COMMD6: variants seen among roughly 807,000 people sequenced by gnomAD.
The protein encoded by COMMD6 is COMM domain containing 6, also known as COMM domain-containing protein 6.
Under a neutral mutation model 13.4 loss-of-function variants are expected in COMMD6, and 11 were observed. That is an observed-to-expected ratio of 0.82 (90% confidence interval 0.52 to 1.36). The LOEUF (loss-of-function observed/expected upper bound fraction) is 1.36, where lower values mean the gene tolerates loss of function less well. COMMD6 is among the 40% of genes most tolerant of loss of function. The pLI is 0.00. For missense variants in COMMD6, 124 were observed against 102.4 expected, an observed-to-expected ratio of 1.21 and a Z score of -0.91; for synonymous variants, 43 against 36.5, an observed-to-expected ratio of 1.18 and a Z score of -0.64.
At chr13:75,544,891 A>G (rs1003671749) in intron 1 of COMMD6, among the ~76,000 whole-genome samples, 5 of 140,968 alleles carry the variant, frequency 3.5e-5, no homozygotes, top group Non-Finnish European at 7.6e-5. Context: ...GCTCCATTGC[A>G]CTCCAGCCTG....
chr13:75,543,198 C>T (rs1455475122), upstream of COMMD6, among the ~76,000 whole-genome samples: 2 of 152,090 alleles, frequency 1.3e-5, no homozygotes, highest in East Asian at 1.9e-4. Flanking sequence ...GGGAGGAAGG[C>T]GAGGATTGAA....
At position 75,526,610 on chromosome 13, in the gene COMMD6, A is replaced by G; in HGVS notation, c.237T>C (p.Ala79=). 6.2e-7 allele frequency: 1 copy of G among 1,607,660 alleles called. No homozygotes were observed. Among genetic ancestry groups the G allele is most frequent in the Non-Finnish European group, 8.5e-7 (1 of 1,175,904 alleles). ...QNFYRQFKEI[A]AVIETV is the part of the protein sequence containing the mutation. ...GTCTTCACACCGTTTCAATAACTGCAGCAATTTCCTTGAACTGTCTGTAGA... is the reference window on the plus strand; with the variant it reads ...GTCTTCACACCGTTTCAATAACTGCGGCAATTTCCTTGAACTGTCTGTAGA... Residue 79 remains alanine (A), a synonymous_variant, in exon 4 of 4, where the codon GCT becomes GCC. Coordinates refer to ENST00000682242, the MANE Select transcript of COMMD6 (RefSeq NM_203495.4).
chr13:75,548,518 TTATCATTGA>T (rs1159864097), intron 1 of COMMD6, among the ~76,000 whole-genome samples: 1 of 152,098 alleles, frequency 6.6e-6, no homozygotes, highest in Non-Finnish European at 1.5e-5. Flanking sequence ...ATTTATGGAG[TTATCATTGA>T]TAACTTCTGC....
At chr13:75,531,567 TAGAA>T (rs1361855728) in intron 2 of COMMD6, among the ~76,000 whole-genome samples, 1 of 152,142 alleles carries the variant, frequency 6.6e-6, no homozygotes, top group African/African-American at 2.4e-5. Flanking sequence ...CATATAAAAA[TAGAA>T]AGGCAAATCA....
chr13:75,535,229 G>C (rs1461095983), intron 2 of COMMD6, among the ~76,000 whole-genome samples: 1 of 152,190 alleles, frequency 6.6e-6, no homozygotes, highest in African/African-American at 2.4e-5. Flanking sequence ...GTGGCTGGAG[G>C]GGCATGAGCT....
chr13:75,536,932 T>C (rs568018680), intron 2 of COMMD6, among the ~76,000 whole-genome samples: 38 of 152,230 alleles, frequency 2.5e-4, no homozygotes, highest in African/African-American at 6.3e-4. Flanking sequence ...AGGTAGACGG[T>C]TGACAGCTCT....
chr13:75,545,163 C>T (rs2030888052), intron 1 of COMMD6, among the ~76,000 whole-genome samples: 1 of 152,160 alleles, frequency 6.6e-6, no homozygotes, highest in Non-Finnish European at 1.5e-5. Context: ...CAAACCCATG[C>T]AGCAGGAAGG....
chr13:75,542,533 C>T (rs1047666624), upstream of COMMD6, among the ~76,000 whole-genome samples: 12 of 152,326 alleles, frequency 7.9e-5, no homozygotes, highest in Non-Finnish European at 1.5e-4. Context: ...AGGTGATCCA[C>T]CTACCTTAGC....
chr13:75,544,904 C>T (rs1011224623), intron 1 of COMMD6, among the ~76,000 whole-genome samples: 7 of 124,500 alleles, frequency 5.6e-5, no homozygotes, highest in East Asian at 2.5e-4. Context: ...CCAGCCTGGG[C>T]GACCAAGCAA....
upstream of COMMD6, among the ~76,000 whole-genome samples, chr13:75,540,059 C>T (rs9543966): frequency 0.5 from 75,532 of 149,732 alleles, 20,257 homozygotes; most frequent in East Asian, 0.66. Flanking sequence ...CAACCTCCAA[C>T]TCCCGGGTTC....
intron 2 of COMMD6, among the ~76,000 whole-genome samples, chr13:75,533,049 G>T (rs1331298037): frequency 6.6e-6 from 1 of 151,288 alleles, no homozygotes; most frequent in African/African-American, 2.4e-5. Flanking sequence ...TCCTGCCTCA[G>T]CCACCCGAGT....
intron 1 of COMMD6, among the ~76,000 whole-genome samples, chr13:75,545,455 GTTTC>G (rs1475374860): frequency 7.9e-5 from 12 of 151,808 alleles, no homozygotes; most frequent in African/African-American, 2.7e-4. Context: ...ACATCAGATG[GTTTC>G]TTTTTCTTTT....
intron 1 of COMMD6, 37 bp from the exon 2 acceptor site, chr13:75,537,712 C>T (rs747718400): frequency 1.9e-5 from 30 of 1,613,956 alleles, no homozygotes; most frequent in Non-Finnish European, 2.5e-5. Context: ...AGAGAAACAT[C>T]TTTCTTGCTC....
At chr13:75,547,500 A>T in intron 1 of COMMD6, among the ~76,000 whole-genome samples, 1 of 152,242 alleles carries the variant, frequency 6.6e-6, no homozygotes, top group East Asian at 1.9e-4. Flanking sequence ...TAAAGGGAAG[A>T]TTAAAAAATT....
intron 2 of COMMD6, among the ~76,000 whole-genome samples, chr13:75,531,309 T>C (rs1452450727): frequency 2.0e-5 from 3 of 152,164 alleles, no homozygotes. Context: ...AATAGAATGG[T>C]TCCCAAGTGT....
intron 2 of COMMD6, among the ~76,000 whole-genome samples, chr13:75,535,199 C>T (rs751099759): frequency 6.6e-6 from 1 of 152,158 alleles, no homozygotes; most frequent in Non-Finnish European, 1.5e-5. Flanking sequence ...TTGGCGTGTT[C>T]AGGGAACAAT....
chr13:75,528,001 GCACACACACA>G (rs57959582), intron 3 of COMMD6: 1,349 of 286,914 alleles, frequency 4.7e-3, no homozygotes, highest in Middle Eastern at 7.7e-3. Context: ...CATGCCCTCA[GCACACACACA>G]CACACACACA....
upstream of COMMD6, chr13:75,537,877 T>C (rs575817831): frequency 4.8e-5 from 71 of 1,481,956 alleles, 1 homozygote; most frequent in South Asian, 8.6e-4. Context: ...TTCCACGTCC[T>C]GCCCCTAGCG....
rs780964888 is a variant in COMMD6, at chr13:75,537,815, C to G, written c.-10G>C. ...CGCTGGACGCCTCCATGGGCAGCGT[C>G]TGGGACTTGCGGCCCGGACTCGAGA... On this transcript the variant is annotated 5_prime_UTR_variant, in exon 1 of 4. Coordinates refer to ENST00000682242, the MANE Select transcript of COMMD6 (RefSeq NM_203495.4). The G allele has an allele frequency of 2.5e-6, 4 of 1,594,858 alleles. No homozygotes were observed. Among genetic ancestry groups the G allele is most frequent in the Non-Finnish European group, 3.4e-6 (4 of 1,168,190 alleles).
Sources: allele counts gnomAD v4.1 joint callset (sites outside exome capture counted in the v4.1 genomes callset), GRCh38; gene constraint gnomAD v4.1.1; transcripts MANE v1.5; gene names NCBI Gene and HGNC (gene_info 2026-07-23, HGNC 2026-07-21).